The following UNC80 variants were observed in gnomAD, a reference collection of about 807,000 sequenced individuals.
UNC80 encodes the protein protein unc-80 homolog.
UNC80 carries 164 observed loss-of-function variants against 384.6 expected under a neutral mutation model. The ratio of observed to expected loss-of-function variants is 0.43; its 90% CI spans 0.38 to 0.49. The LOEUF is 0.49. Among genes scored for constraint, UNC80 ranks in the 20% least tolerant of loss-of-function variants. The pLI, the probability that UNC80 is intolerant of heterozygous loss-of-function variation, is 0.00. For missense variants in UNC80, 3,330 were observed against 4,143.0 expected (o/e 0.80, Z 5.39); for synonymous variants, 1,486 against 1,527.8 (o/e 0.97, Z 0.64).
chr2:209,891,764 G>A (rs1221462561), intron 26 of UNC80, among the ~76,000 whole-genome samples: 6 of 152,198 alleles, frequency 3.9e-5, no homozygotes, highest in Non-Finnish European at 5.9e-5. Context: ...ATCAGTTGAC[G>A]AAAATCTTCC....
At chr2:209,953,275 G>C (rs968136069) in intron 47 of UNC80, among the ~76,000 whole-genome samples, 2 of 151,840 alleles carry the variant, frequency 1.3e-5, no homozygotes, top group Non-Finnish European at 2.9e-5. Context: ...AAAATTATCC[G>C]GGCATTGTAG....
intron 6 of UNC80, among the ~76,000 whole-genome samples, chr2:209,791,691 G>A (rs748643292): frequency 1.3e-5 from 2 of 151,820 alleles, no homozygotes; most frequent in Non-Finnish European, 2.9e-5. Flanking sequence ...TGTGGTGGTG[G>A]ACACCTGTGT....
chr2:209,957,167 G>A (rs1194639751), intron 48 of UNC80, among the ~76,000 whole-genome samples: 1 of 152,208 alleles, frequency 6.6e-6, no homozygotes, highest in Non-Finnish European at 1.5e-5. Flanking sequence ...TAGGTGTGAT[G>A]TGACTAGGAG....
intron 35 of UNC80, among the ~76,000 whole-genome samples, chr2:209,924,541 C>G (rs963519102): frequency 1.3e-5 from 2 of 151,970 alleles, no homozygotes; most frequent in African/African-American, 4.8e-5. Flanking sequence ...TTGTGTAGAG[C>G]TTCAAGGTTA....
chr2:209,792,537 T>C (rs2077881039), intron 6 of UNC80, among the ~76,000 whole-genome samples: 2 of 152,166 alleles, frequency 1.3e-5, no homozygotes, highest in Admixed American at 6.5e-5. Context: ...TTAGTAGAGA[T>C]GGGGTTTTAC....
intron 7 of UNC80, among the ~76,000 whole-genome samples, chr2:209,798,745 T>C (rs963583248): frequency 5.9e-5 from 9 of 151,510 alleles, no homozygotes; most frequent in Non-Finnish European, 1.0e-4. Flanking sequence ...TGGTGTGATC[T>C]TGGCTCACTG....
intron 22 of UNC80, among the ~76,000 whole-genome samples, chr2:209,869,748 C>A (rs1363792225): frequency 6.6e-6 from 1 of 152,052 alleles, no homozygotes; most frequent in Non-Finnish European, 1.5e-5. Context: ...TACCAACCTC[C>A]CCCTTATGTT....
At position 209,945,122 on chromosome 2, in the gene UNC80, G is replaced by T; in HGVS notation, c.7122G>T (p.Glu2374Asp). 6.4e-7 allele frequency: 1 copy of T among 1,551,504 alleles called. No homozygotes were observed. The change falls in exon 46 of 65, where the codon GAG becomes GAT. Residue 2374 changes from glutamate (E) to aspartate (D), a missense_variant. Physicochemically the swap from Glu to Asp is conservative, Grantham distance 45 (BLOSUM62 2). Coordinates refer to ENST00000673920, the MANE Select transcript of UNC80 (RefSeq NM_001371986.1). Reference protein sequence around the residue: ...QCLFDLLQSLEGETTDILDIL... With the variant: ...QCLFDLLQSLDGETTDILDIL... Reference sequence around the variant, plus strand: ...TGTTTGACTTGCTGCAGTCCCTAGAGGGAGAGACCACCGACATATTAGACA... The same window carrying T: ...TGTTTGACTTGCTGCAGTCCCTAGATGGAGAGACCACCGACATATTAGACA...
chr2:209,987,356 A>T (rs2093309924), intron 61 of UNC80, among the ~76,000 whole-genome samples: 1 of 152,204 alleles, frequency 6.6e-6, no homozygotes, highest in South Asian at 2.1e-4. Context: ...CCCCAGAAAT[A>T]GCCTATTAGA....
At chr2:209,803,797 A>G (rs2078707329) in intron 7 of UNC80, among the ~76,000 whole-genome samples, 2 of 152,104 alleles carry the variant, frequency 1.3e-5, no homozygotes, top group African/African-American at 4.8e-5. Context: ...CAGTGGCATG[A>G]TGACAGCTCA....
intron 59 of UNC80, among the ~76,000 whole-genome samples, 187 bp from the exon 60 acceptor site, chr2:209,981,992 G>A (rs1054792858): frequency 2.0e-5 from 3 of 152,278 alleles, no homozygotes; most frequent in Non-Finnish European, 4.4e-5. Flanking sequence ...GTATAGACAC[G>A]AAGAATTATC....
At chr2:209,781,071 G>A (rs537345468) in intron 4 of UNC80, among the ~76,000 whole-genome samples, 3 of 152,292 alleles carry the variant, frequency 2.0e-5, no homozygotes, top group South Asian at 2.1e-4. Flanking sequence ...ACTTAGTGTT[G>A]CAGGATGGGG....
chr2:209,955,239 C>T (rs999805831), intron 48 of UNC80, among the ~76,000 whole-genome samples: 2 of 152,134 alleles, frequency 1.3e-5, no homozygotes, highest in African/African-American at 4.8e-5. Flanking sequence ...CCAACTCCCC[C>T]AGCCCCATCT....
At chr2:209,915,153 G>A (rs1330616031) in intron 31 of UNC80, among the ~76,000 whole-genome samples, 1 of 151,664 alleles carries the variant, frequency 6.6e-6, no homozygotes, top group Non-Finnish European at 1.5e-5. Flanking sequence ...AAGATGGTGT[G>A]TGCAAAACTG....
intron 45 of UNC80, among the ~76,000 whole-genome samples, 176 bp from the exon 46 acceptor site, chr2:209,944,875 G>T (rs1467842099): frequency 6.6e-6 from 1 of 152,078 alleles, no homozygotes. Context: ...TTAAAAGTCA[G>T]GTGTACCACT....
intron 45 of UNC80, 56 bp downstream of exon 45, chr2:209,943,570 G>A: frequency 1.9e-6 from 3 of 1,542,676 alleles, no homozygotes; most frequent in South Asian, 1.2e-5. Flanking sequence ...GAAAAGCAAA[G>A]GTTATTTATT....
intron 40 of UNC80, among the ~76,000 whole-genome samples, 163 bp downstream of exon 40, chr2:209,935,971 C>T (rs565132906): frequency 1.8e-3 from 278 of 152,240 alleles, no homozygotes; most frequent in Non-Finnish European, 3.3e-3. Flanking sequence ...TATGCTATTT[C>T]CTTCCATAAT....
intron 23 of UNC80, among the ~76,000 whole-genome samples, chr2:209,873,614 A>G (rs2084504053): frequency 6.6e-6 from 1 of 152,238 alleles, no homozygotes; most frequent in African/African-American, 2.4e-5. Flanking sequence ...AGAAGGAAAA[A>G]AGGTGAAGAA....
At chr2:209,836,519 C>T (rs1170039304) in intron 18 of UNC80, among the ~76,000 whole-genome samples, 1 of 152,204 alleles carries the variant, frequency 6.6e-6, no homozygotes, top group Non-Finnish European at 1.5e-5. Flanking sequence ...GTAAACACCA[C>T]CTAATTTCTT....
Sources: allele counts gnomAD v4.1 joint callset (sites outside exome capture counted in the v4.1 genomes callset), GRCh38; gene constraint gnomAD v4.1.1; transcripts MANE v1.5; gene names NCBI Gene and HGNC (gene_info 2026-07-23, HGNC 2026-07-21).